The following TNRC6A variants were observed in gnomAD, a reference collection of about 807,000 sequenced individuals.
TNRC6A encodes the protein trinucleotide repeat-containing gene 6A protein.
TNRC6A carries 44 observed loss-of-function variants against 221.2 expected under a neutral mutation model. The ratio of observed to expected loss-of-function variants is 0.20; its 90% confidence interval spans 0.16 to 0.26. The LOEUF (loss-of-function observed/expected upper bound fraction) is 0.26, where lower values mean the gene tolerates loss of function less well. TNRC6A is among the 10% of genes least tolerant of loss of function. TNRC6A has a pLI of 1.00. For missense variants in TNRC6A, 2,199 were observed against 2,404.4 expected (o/e 0.91, Z 1.79); for synonymous variants, 847 against 838.5 (o/e 1.01, Z -0.18).
At chr16:24,663,696 C>T in intron 2 of TNRC6A, 1 of 335,834 alleles carries the variant, frequency 3.0e-6, no homozygotes, top group Non-Finnish European at 5.9e-6. Context: ...TGTGACAACA[C>T]ACGCAAAACA....
At chr16:24,680,417 T>C (rs2055507851) in intron 2 of TNRC6A, among the ~76,000 whole-genome samples, 1 of 147,902 alleles carries the variant, frequency 6.8e-6, no homozygotes, top group Admixed American at 6.7e-5. Context: ...TCAGACACTG[T>C]CTCTTAAAAA....
At chr16:24,612,334 G>A (rs1057510956) in intron 1 of TNRC6A, among the ~76,000 whole-genome samples, 2 of 152,142 alleles carry the variant, frequency 1.3e-5, no homozygotes, top group Non-Finnish European at 2.9e-5. Flanking sequence ...ACTGAGGCAA[G>A]GAGCAGCTCA....
chr16:24,821,059 C>T (rs1231987209), intron 22 of TNRC6A, among the ~76,000 whole-genome samples: 2 of 152,220 alleles, frequency 1.3e-5, no homozygotes, highest in African/African-American at 2.4e-5. Context: ...TATGTAATTT[C>T]TGATCTTTAG....
intron 2 of TNRC6A, among the ~76,000 whole-genome samples, chr16:24,721,112 A>G (rs1334013218): frequency 6.6e-6 from 1 of 152,186 alleles, no homozygotes; most frequent in East Asian, 1.9e-4. Flanking sequence ...GAACACCTGC[A>G]AAGCTGCTGA....
At chr16:24,786,293 GTT>G (rs71383716) in intron 5 of TNRC6A, among the ~76,000 whole-genome samples, 38,073 of 148,848 alleles carry the variant, frequency 0.26, 4,944 homozygotes, top group Middle Eastern at 0.32. Flanking sequence ...GTCCTTTTTT[GTT>G]TTTTTTTGTT....
At chr16:24,725,795 T>A (rs988183547), upstream of TNRC6A, among the ~76,000 whole-genome samples, 5 of 151,310 alleles carry the variant, frequency 3.3e-5, no homozygotes, top group African/African-American at 1.2e-4. Flanking sequence ...GAGTCAGGAG[T>A]TCGAGACCAG....
At chr16:24,715,316 G>A (rs1436355493) in intron 2 of TNRC6A, among the ~76,000 whole-genome samples, 1 of 150,948 alleles carries the variant, frequency 6.6e-6, no homozygotes, top group Non-Finnish European at 1.5e-5. Context: ...CTCAGGTGAT[G>A]CTCCTGCCTC....
At chr16:24,726,174 G>T (rs542981231), upstream of TNRC6A, among the ~76,000 whole-genome samples, 2 of 151,982 alleles carry the variant, frequency 1.3e-5, no homozygotes, top group African/African-American at 2.4e-5. Flanking sequence ...GTGAGACAAC[G>T]GTTAAGGTTT....
At chr16:24,651,354 C>A (rs1187632038) in intron 2 of TNRC6A, among the ~76,000 whole-genome samples, 2 of 151,654 alleles carry the variant, frequency 1.3e-5, no homozygotes, top group Admixed American at 6.6e-5. Flanking sequence ...GCCTGACCAA[C>A]ATGGAGAAAC....
At chr16:24,694,335 C>A (rs1260441843) in intron 2 of TNRC6A, among the ~76,000 whole-genome samples, 1 of 152,100 alleles carries the variant, frequency 6.6e-6, no homozygotes, top group African/African-American at 2.4e-5. Context: ...GACACAATGA[C>A]CCTAACTGCA....
At chr16:24,764,463 A>T (rs2057429465) in intron 4 of TNRC6A, among the ~76,000 whole-genome samples, 1 of 151,694 alleles carries the variant, frequency 6.6e-6, no homozygotes, top group Non-Finnish European at 1.5e-5. Context: ...GGTAGCTGGG[A>T]TTACAGGCGC....
chr16:24,731,235 A>G (rs1220629284), intron 2 of TNRC6A, among the ~76,000 whole-genome samples: 2 of 151,932 alleles, frequency 1.3e-5, no homozygotes, highest in Non-Finnish European at 2.9e-5. Flanking sequence ...ATAAAATGAA[A>G]TTTCTCCTAT....
intron 1 of TNRC6A, among the ~76,000 whole-genome samples, chr16:24,611,352 C>T (rs555459217): frequency 7.2e-5 from 11 of 152,244 alleles, no homozygotes; most frequent in South Asian, 6.2e-4. Flanking sequence ...TGTGTACGTG[C>T]GTGCACATAT....
rs1323626414 is a variant in TNRC6A at position 24,730,298 on chromosome 16, C to G, written c.51C>G (p.Ser17Arg). The change falls in exon 2 of 25, where the codon AGC becomes AGG. Residue 17 changes from serine (S) to arginine (R), a missense_variant and splice_region_variant. By Grantham distance (110) the Ser-to-Arg change is moderately radical (BLOSUM62 -1). Transcript: ENST00000395799. ...CCAAAGACGTAGAAAGAAATCTTAG[C>G]AGGTAAGATGGGCGAGCTTTCCGTC... ...KATKDVERNL[S>R]RDLVQEEEQL... is the part of the protein sequence containing the mutation. 15 of 1,602,052 alleles carry G rather than the reference C, an allele frequency of 9.4e-6. No individual in the cohort carries two copies. Among genetic ancestry groups the G allele is most frequent in the Non-Finnish European group, 1.1e-5 (13 of 1,175,478 alleles).
rs1027831675 is a variant in TNRC6A at position 24,760,817 on chromosome 16, C to T, written c.163+2457C>T. Among the ~76,000 whole-genome samples, 3 of 152,228 alleles carry T rather than the reference C, an allele frequency of 2.0e-5. No individual in the cohort carries two copies. In the East Asian group the frequency reaches 5.8e-4, roughly 29 times the overall value. On this transcript the variant is annotated intron_variant, in intron 4 of 24. Coordinates refer to ENST00000395799, the MANE Select transcript of TNRC6A (RefSeq NM_014494.4). ...TCATATACGCTTCATTCAGTTTCCC[C>T]GATTATTAGCATCTTACATTACCAT...
At chr16:24,662,612 TA>T (rs2055059768) in intron 2 of TNRC6A, 2 of 152,648 alleles carry the variant, frequency 1.3e-5, no homozygotes, top group Non-Finnish European at 1.5e-5. Context: ...TATCCAGCAT[TA>T]GGGGAAATGG....
intron 2 of TNRC6A, among the ~76,000 whole-genome samples, chr16:24,670,418 G>A (rs534963843): frequency 6.6e-6 from 1 of 152,232 alleles, no homozygotes; most frequent in South Asian, 2.1e-4. Context: ...TTCCCGCAAG[G>A]GTCTCCCAGA....
chr16:24,617,266 C>T (rs1387541218), intron 1 of TNRC6A, among the ~76,000 whole-genome samples: 1 of 151,998 alleles, frequency 6.6e-6, no homozygotes, highest in African/African-American at 2.4e-5. Flanking sequence ...GCTGAGACTA[C>T]AGGTGTATGT....
At chr16:24,651,848 T>A (rs561750892) in intron 2 of TNRC6A, among the ~76,000 whole-genome samples, 61 of 151,154 alleles carry the variant, frequency 4.0e-4, no homozygotes, top group African/African-American at 1.5e-3. Context: ...TGATGATAGA[T>A]GCCAGGTCTG....
Sources: gnomAD v4.1 joint callset for allele counts (sites outside exome capture counted in the v4.1 genomes callset) on GRCh38, gnomAD v4.1.1 for gene constraint, MANE v1.5 for transcripts, NCBI Gene and HGNC (gene_info 2026-07-23, HGNC 2026-07-21) for gene names.